ATP13A4: variants seen among roughly 807,000 people sequenced by gnomAD.
The protein encoded by ATP13A4 is probable cation-transporting ATPase 13A4.
In ATP13A4, 114 loss-of-function variants were observed where a neutral mutation model predicts 142.5. The observed-to-expected ratio is 0.80, with a 90% confidence interval of 0.69 to 0.93. The LOEUF (loss-of-function observed/expected upper bound fraction) is 0.93, where lower values mean the gene tolerates loss of function less well. Ranked by LOEUF, ATP13A4 falls within the 40% of genes least tolerant of loss-of-function variation. The pLI, the probability that ATP13A4 is intolerant of heterozygous loss-of-function variation, is 0.00. For synonymous variants in ATP13A4, 488 were observed against 514.8 expected (o/e 0.95, Z 0.70); for missense variants, 1,392 against 1,454.0 (o/e 0.96, Z 0.69).
chr3:193,492,982 C>A lies in ATP13A4; in HGVS notation c.468G>T (p.Trp156Cys). Residue 156 changes from tryptophan to cysteine, a missense_variant, in exon 5 of 30, where the codon TGG becomes TGT. By Grantham distance (215) the Trp-to-Cys change is radical. Transcript: ENST00000342695. ...TTTGATGTATCTTGGCAGAACTAAG[C>A]CAGTCTTCCAAAGAACTAAAATAAT... ...QFQKIGSLEDWLSSAKIHQKF... is the reference protein window; with the variant it reads ...QFQKIGSLEDCLSSAKIHQKF... The A allele has an allele frequency of 6.2e-7, 1 of 1,609,934 alleles. No homozygotes were observed. Among genetic ancestry groups the A allele is most frequent in the South Asian group, 1.1e-5 (1 of 90,872 alleles).
At chr3:193,544,646 C>A (rs1033099193) in intron 1 of ATP13A4, among the ~76,000 whole-genome samples, 1 of 152,150 alleles carries the variant, frequency 6.6e-6, no homozygotes, top group African/African-American at 2.4e-5. Context: ...CACCTGTGAT[C>A]CTAATCACTT....
chr3:193,494,314 G>C (rs1458086811), intron 3 of ATP13A4, among the ~76,000 whole-genome samples: 2 of 152,030 alleles, frequency 1.3e-5, no homozygotes, highest in Non-Finnish European at 2.9e-5. Flanking sequence ...CCATTCAACA[G>C]CTGCAGAATA....
rs1410462951 is a variant in ATP13A4, at chr3:193,423,241, C to T, written c.2843-8491G>A. ...TAATAAAACTTTTCCAATCAAAAAA[C>T]GTTCAGTACCTGATGGCTTCTCCAC... On this transcript the variant is annotated intron_variant, in intron 25 of 29. Transcript: ENST00000342695. Among the ~76,000 whole-genome samples the T allele has an allele frequency of 3.3e-5, 5 of 149,440 alleles. 1 individual carries two copies. Among genetic ancestry groups the T allele is most frequent in the Non-Finnish European group, 7.4e-5 (5 of 67,434 alleles).
chr3:193,507,416 T>C (rs1263735839), intron 2 of ATP13A4, among the ~76,000 whole-genome samples: 9 of 152,112 alleles, frequency 5.9e-5, no homozygotes, highest in African/African-American at 2.2e-4. Context: ...TGTCTTTTAG[T>C]TGGAAAAAAG....
intron 25 of ATP13A4, chr3:193,417,032 A>G (rs1400975148): frequency 1.3e-5 from 2 of 152,240 alleles, no homozygotes; most frequent in African/African-American, 4.8e-5. Context: ...CCAATTTCTC[A>G]TCAGAAACCA....
At chr3:193,441,648 A>G (rs1230159992) in intron 19 of ATP13A4, 60 bp from the exon 20 acceptor site, 14 of 1,582,144 alleles carry the variant, frequency 8.8e-6, no homozygotes, top group Non-Finnish European at 1.2e-5. Flanking sequence ...TTAGAACCAT[A>G]AGCATATCTG....
chr3:193,515,163 T>C (rs1721340656), intron 1 of ATP13A4, among the ~76,000 whole-genome samples: 2 of 152,186 alleles, frequency 1.3e-5, no homozygotes, highest in East Asian at 1.9e-4. Flanking sequence ...TGCTGTCTTG[T>C]TTAACTCTCC....
chr3:193,523,149 C>G (rs1218824313), intron 1 of ATP13A4, among the ~76,000 whole-genome samples: 1 of 151,892 alleles, frequency 6.6e-6, no homozygotes, highest in African/African-American at 2.4e-5. Flanking sequence ...CTAAAAATTC[C>G]AAAAATTAGC....
At position 193,538,892 on chromosome 3, in the gene ATP13A4, CTTTTTTTTT is replaced by C. The variant is rs67132373; in HGVS notation, c.60+15839_60+15847del. On this transcript the variant is annotated intron_variant, in intron 1 of 29. Coordinates refer to ENST00000342695, the MANE Select transcript of ATP13A4 (RefSeq NM_032279.4). ...ATTTTTCTTTCTTTCTTGGTTTTTTCTTTTTTTTTTTTTTTTTTTGAGATGGAGTTTTGG... is the reference window on the plus strand; with the variant it reads ...ATTTTTCTTTCTTTCTTGGTTTTTTCTTTTTTTTTTGAGATGGAGTTTTGG... Among the ~76,000 whole-genome samples the C allele has an allele frequency of 8.5e-4, 103 of 120,854 alleles. 1 individual carries two copies. Among genetic ancestry groups the C allele is most frequent in the African/African-American group, 2.8e-3 (92 of 32,984 alleles). 79.3% of individuals were successfully genotyped at this position (120,854 alleles called of 152,430 possible). A position where few individuals can be genotyped will look rare whatever the true frequency, so the allele number is the denominator to read the frequency against.
intron 2 of ATP13A4, among the ~76,000 whole-genome samples, chr3:193,565,154 CCCCCGACT>C (rs1724107916): frequency 6.6e-6 from 1 of 152,162 alleles, no homozygotes; most frequent in South Asian, 2.1e-4. Context: ...GAAACCACCG[CCCCCGACT>C]CCAACAGTCC....
In ATP13A4 at chr3:193,457,578, C is replaced by T. The variant is rs76612868; in HGVS notation, c.1675-113G>A. The stretch of plus-strand genomic sequence containing the variant: ...CCTCAGACCACCTCAATGTGTTTTC[C>T]GTGTCTCTTCCCTCAGAGGTGAACC... On this transcript the variant is annotated intron_variant, in intron 14 of 29. Transcript: ENST00000342695. 9.4e-3 allele frequency: 9,033 copies of T among 965,098 alleles called. 230 individuals carry two copies. The highest frequency in any genetic ancestry group is 0.077 in the African/African-American group (4,788 of 62,414). 59.8% of individuals were successfully genotyped at this position (965,098 alleles called of 1,614,324 possible).
chr3:193,551,533 C>A (rs1263078537), intron 1 of ATP13A4, among the ~76,000 whole-genome samples: 3 of 152,220 alleles, frequency 2.0e-5, no homozygotes, highest in Admixed American at 6.5e-5. Context: ...GCTTTTCCTA[C>A]CTTTATTTAG....
chr3:193,446,533 T>C (rs1164734375), intron 18 of ATP13A4, among the ~76,000 whole-genome samples: 1 of 152,210 alleles, frequency 6.6e-6, no homozygotes, highest in Non-Finnish European at 1.5e-5. Context: ...TTGAGTCCAT[T>C]AAGTTATTGT....
At chr3:193,463,295 C>T (rs888800599) in intron 12 of ATP13A4, among the ~76,000 whole-genome samples, 2 of 151,784 alleles carry the variant, frequency 1.3e-5, no homozygotes, top group African/African-American at 4.8e-5. Context: ...TGAAAGTCCT[C>T]GATATAAAAT....
rs1238911601 is a variant in ATP13A4, at chr3:193,464,994, A to G, written c.1407T>C (p.Ile469=). 1.9e-6 allele frequency: 3 copies of G among 1,614,138 alleles called. No individual in the cohort carries two copies. Among genetic ancestry groups the G allele is most frequent in the South Asian group, 2.2e-5 (2 of 91,076 alleles). Residue 469 remains isoleucine (I), a synonymous_variant, in exon 12 of 30, where the codon ATT becomes ATC. Coordinates refer to ENST00000342695, the MANE Select transcript of ATP13A4 (RefSeq NM_032279.4). The part of the protein sequence containing the change: ...RRLKKRGIFC[I]SPQRINVCGQ... ...CACATACGTTGATCCTCTGGGGGCT[A>G]ATGCAGAAGATGCCTCTCTTCTTCA...
At chr3:193,512,498 C>A (rs1162073996) in intron 2 of ATP13A4, among the ~76,000 whole-genome samples, 1 of 152,168 alleles carries the variant, frequency 6.6e-6, no homozygotes, top group African/African-American at 2.4e-5. Flanking sequence ...ACCAAGTGAA[C>A]AAGTGAGCTC....
chr3:193,418,114 T>C (rs1318880435), intron 25 of ATP13A4, among the ~76,000 whole-genome samples: 1 of 55,434 alleles, frequency 1.8e-5, no homozygotes. Flanking sequence ...AGAGCGAGAC[T>C]CCGTCTCAAA....
intron 1 of ATP13A4, among the ~76,000 whole-genome samples, chr3:193,523,507 G>A (rs1160603519): frequency 6.6e-6 from 1 of 152,164 alleles, no homozygotes; most frequent in African/African-American, 2.4e-5. Context: ...GATTTAATCA[G>A]TTATGCCTGT....
chr3:193,512,100 G>A (rs1473532339), intron 2 of ATP13A4, among the ~76,000 whole-genome samples: 2 of 152,222 alleles, frequency 1.3e-5, no homozygotes, highest in African/African-American at 2.4e-5. Flanking sequence ...AGAGCTTGCT[G>A]ATGGACCCTG....
Sources: gnomAD v4.1 joint callset for allele counts (sites outside exome capture counted in the v4.1 genomes callset) on GRCh38, gnomAD v4.1.1 for gene constraint, MANE v1.5 for transcripts, NCBI Gene and HGNC (gene_info 2026-07-23, HGNC 2026-07-21) for gene names.